ASB4: variants seen among roughly 807,000 people sequenced by gnomAD.
ASB4 encodes ankyrin repeat and SOCS box protein 4.
In ASB4, 35 loss-of-function variants were observed where a neutral mutation model predicts 38.6. The ratio of observed to expected loss-of-function variants is 0.91; its 90% CI spans 0.69 to 1.20. ASB4 has a LOEUF of 1.20. Ranked by LOEUF, ASB4 falls within the 50% of genes most tolerant of loss-of-function variation. The pLI is 0.00. For missense variants in ASB4, 557 were observed against 527.2 expected (o/e 1.06, Z -0.55); for synonymous variants, 195 against 201.3 (o/e 0.97, Z 0.26).
intron 2 of ASB4, among the ~76,000 whole-genome samples, chr7:95,516,124 TA>T (rs985479053): frequency 6.6e-6 from 1 of 152,154 alleles, no homozygotes; most frequent in East Asian, 1.9e-4. Context: ...TTGTATCTTC[TA>T]AAAAAATCAG....
chr7:95,536,609 G>T (rs1562823618), intron 4 of ASB4, 59 bp downstream of exon 4: 1 of 1,248,550 alleles, frequency 8.0e-7, no homozygotes. Context: ...GACTGCTCTA[G>T]AAGTACAGAA....
the ASB4 span, among the ~76,000 whole-genome samples, chr7:95,545,811 G>A: frequency 6.6e-6 from 1 of 152,276 alleles, no homozygotes; most frequent in East Asian, 1.9e-4. Flanking sequence ...CAGGAGAAAA[G>A]CCTCCAAAAT....
At chr7:95,473,986 A>G (rs547584288), upstream of ASB4, 8 of 152,358 alleles carry the variant, frequency 5.3e-5, no homozygotes, top group South Asian at 6.2e-4. Flanking sequence ...AAATAAAGCC[A>G]TAAGTTACCT....
At position 95,504,800 on chromosome 7, in the gene ASB4, A is replaced by C. The variant is rs1430323380; in HGVS notation, c.487+8743A>C. On this transcript the variant is annotated intron_variant, in intron 2 of 4. Coordinates refer to ENST00000325885, the MANE Select transcript of ASB4 (RefSeq NM_016116.3). ...TCTCAGATGGCAGAAAATGACTCTA[A>C]AAGGCCGTGTCTTCTGGTCACTGCT... Among the ~76,000 whole-genome samples the C allele has an allele frequency of 5.3e-5, 8 of 152,262 alleles. No homozygotes were observed. The South Asian group carries it at 8.3e-4, about 16-fold the overall frequency.
At chr7:95,488,688 T>C (rs1218174955) in intron 1 of ASB4, among the ~76,000 whole-genome samples, 1 of 152,226 alleles carries the variant, frequency 6.6e-6, no homozygotes, top group Admixed American at 6.5e-5. Flanking sequence ...GTTGAACTGC[T>C]ACACACTGCT....
At chr7:95,544,213 G>A (rs1248893019), downstream of ASB4, 1 of 152,044 alleles carries the variant, frequency 6.6e-6, no homozygotes, top group Non-Finnish European at 1.5e-5. Flanking sequence ...TTCTTCCAGG[G>A]CATCAGAAAA....
the ASB4 span, among the ~76,000 whole-genome samples, chr7:95,472,472 A>G: frequency 2.0e-5 from 3 of 152,108 alleles, no homozygotes; most frequent in Non-Finnish European, 2.9e-5. Flanking sequence ...AGTAACTCCA[A>G]TCTGCCGGGG....
intron 1 of ASB4, among the ~76,000 whole-genome samples, chr7:95,492,077 AC>A (rs1790179247): frequency 6.6e-6 from 1 of 152,072 alleles, no homozygotes; most frequent in Admixed American, 6.6e-5. Flanking sequence ...TCTTGTTACC[AC>A]CTACCTACAC....
At chr7:95,479,998 G>C (rs1246610729) in intron 1 of ASB4, among the ~76,000 whole-genome samples, 9 of 152,154 alleles carry the variant, frequency 5.9e-5, no homozygotes, top group Non-Finnish European at 5.9e-5. Context: ...CGCAATTCAA[G>C]TTTTTGTTCA....
chr7:95,496,420 A>G (rs1406092303), intron 2 of ASB4, among the ~76,000 whole-genome samples: 2 of 152,354 alleles, frequency 1.3e-5, no homozygotes, highest in East Asian at 3.9e-4. Flanking sequence ...ATTCATAAAT[A>G]TATAATTATA....
At chr7:95,483,045 C>T (rs1790036881), upstream of ASB4, among the ~76,000 whole-genome samples, 1 of 152,184 alleles carries the variant, frequency 6.6e-6, no homozygotes, top group Non-Finnish European at 1.5e-5. Flanking sequence ...CTTCATCGTC[C>T]TTGTCAGCCG....
At chr7:95,486,247 T>G in intron 1 of ASB4, 89 bp downstream of exon 1, 2 of 995,310 alleles carry the variant, frequency 2.0e-6, no homozygotes, top group Non-Finnish European at 2.9e-6. Flanking sequence ...ACAGTAGTTT[T>G]TATTGTTTCT....
the ASB4 span, among the ~76,000 whole-genome samples, chr7:95,472,614 T>C: frequency 6.6e-6 from 1 of 152,042 alleles, no homozygotes; most frequent in Non-Finnish European, 1.5e-5. Context: ...CTACTCTCAC[T>C]AATAGGGGTT....
Position 95,537,896 on chromosome 7 carries a change from T to A in ASB4, c.*137T>A. Reference sequence around the variant, plus strand: ...CAAAACACTTTACAAACACTGCCATTAATCCTAGAATATCATGGTATGGGG... The same window carrying A: ...CAAAACACTTTACAAACACTGCCATAAATCCTAGAATATCATGGTATGGGG... On this transcript the variant is annotated 3_prime_UTR_variant, in exon 5 of 5. Coordinates refer to ENST00000325885, the MANE Select transcript of ASB4 (RefSeq NM_016116.3). 1.5e-6 allele frequency: 1 copy of A among 653,630 alleles called. No homozygotes were observed. The highest frequency in any genetic ancestry group is 2.6e-6 in the Non-Finnish European group (1 of 385,962). The allele number at this position is 653,630 out of a possible 1,614,324, so 40.5% of individuals were successfully genotyped here.
intron 1 of ASB4, among the ~76,000 whole-genome samples, chr7:95,493,406 GTA>G (rs997236631): frequency 6.7e-5 from 10 of 150,148 alleles, no homozygotes; most frequent in Admixed American, 3.3e-4. Flanking sequence ...GTGTGTGTGT[GTA>G]TAGCTAGGTT....
At chr7:95,527,388 T>C (rs1198070417) in intron 2 of ASB4, among the ~76,000 whole-genome samples, 1 of 152,252 alleles carries the variant, frequency 6.6e-6, no homozygotes, top group Non-Finnish European at 1.5e-5. Context: ...TTTTGTGGAA[T>C]ATTCTAAACA....
At chr7:95,488,605 A>C (rs1385886069) in intron 1 of ASB4, among the ~76,000 whole-genome samples, 1 of 152,222 alleles carries the variant, frequency 6.6e-6, no homozygotes, top group African/African-American at 2.4e-5. Flanking sequence ...GTGTGGCCTT[A>C]AAAGGTATGT....
intron 2 of ASB4, among the ~76,000 whole-genome samples, chr7:95,502,454 T>G (rs1451577286): frequency 6.6e-6 from 1 of 152,036 alleles, no homozygotes; most frequent in Non-Finnish European, 1.5e-5. Context: ...CTTAGAAAAT[T>G]CGCCTCTAGG....
In ASB4 at chr7:95,485,951, G is replaced by A; in HGVS notation, c.-21G>A. ...TGTTCTCTCGATAAATCACAACAAA[G>A]CTTCCAGAGGGAGAGGAAGGATGGA... On this transcript the variant is annotated 5_prime_UTR_variant, in exon 1 of 5. Transcript: ENST00000325885. 1 of 1,608,988 alleles carries A rather than the reference G, an allele frequency of 6.2e-7. No homozygotes were observed. Among genetic ancestry groups the A allele is most frequent in the Non-Finnish European group, 8.5e-7 (1 of 1,176,830 alleles).
Sources: gnomAD v4.1 joint callset for allele counts (sites outside exome capture counted in the v4.1 genomes callset) on GRCh38, gnomAD v4.1.1 for gene constraint, MANE v1.5 for transcripts, NCBI Gene and HGNC (gene_info 2026-07-23, HGNC 2026-07-21) for gene names.